Variants in MYO5A observed in about 807,000 individuals in gnomAD.
MYO5A encodes the protein myosin VA, also known as unconventional myosin-Va.
Under a neutral mutation model 249.7 loss-of-function variants are expected in MYO5A, and 98 were observed. The observed-to-expected ratio is 0.39, with a 90% CI of 0.33 to 0.46. The LOEUF is 0.46. Ranked by LOEUF, MYO5A falls within the 20% of genes least tolerant of loss-of-function variation. The probability of loss-of-function intolerance (pLI) is 0.98; values close to 1 mark genes in which losing one functional copy is unlikely to be tolerated. For synonymous variants in MYO5A, 778 were observed against 810.6 expected (o/e 0.96, Z 0.68); for missense variants, 1,696 against 2,308.8 (o/e 0.73, Z 5.44).
At chr15:52,424,174 C>T (rs1490547396) in intron 4 of MYO5A, among the ~76,000 whole-genome samples, 1 of 152,186 alleles carries the variant, frequency 6.6e-6, no homozygotes, top group East Asian at 1.9e-4. Context: ...GGAATTTTCT[C>T]AATTTTAAGC....
At chr15:52,352,654 G>A (rs2040014960) in intron 27 of MYO5A, among the ~76,000 whole-genome samples, 1 of 152,030 alleles carries the variant, frequency 6.6e-6, no homozygotes, top group African/African-American at 2.4e-5. Flanking sequence ...GTGGTGGCGG[G>A]CACCTGTAGT....
In MYO5A at chr15:52,359,969, T is replaced by A. The variant is rs201339297; in HGVS notation, c.3422A>T (p.Glu1141Val). 4.6e-5 allele frequency: 74 copies of A among 1,598,582 alleles called. No individual in the cohort carries two copies. The highest frequency in any genetic ancestry group is 6.1e-5 in the Non-Finnish European group (71 of 1,166,900). Residue 1141 changes from glutamate to valine, a missense_variant and splice_region_variant, in exon 25 of 42, where the codon GAG (glutamate) becomes GTG (valine). Coordinates refer to ENST00000399233, the MANE Select transcript of MYO5A (RefSeq NM_001382347.1). ...AEMEDIPSRT[E>V]EPSEKKVPLD... ...CAGTGACAGATGTCTAAACTGTACC[T>A]CTGTCCTTGATGGAATGTCTTCCAT...
chr15:52,354,981 T>C (rs1309653512), intron 25 of MYO5A, among the ~76,000 whole-genome samples: 1 of 152,142 alleles, frequency 6.6e-6, no homozygotes, highest in Non-Finnish European at 1.5e-5. Context: ...CACAAACATA[T>C]GTGACTTTTA....
intron 1 of MYO5A, among the ~76,000 whole-genome samples, chr15:52,513,159 G>A (rs548506093): frequency 1.2e-4 from 16 of 135,358 alleles, no homozygotes; most frequent in African/African-American, 3.6e-4. Context: ...GGCCGGGTGC[G>A]GTGGCTCACA....
intron 23 of MYO5A, among the ~76,000 whole-genome samples, chr15:52,365,938 C>T (rs1430181300): frequency 6.6e-6 from 1 of 152,184 alleles, no homozygotes; most frequent in African/African-American, 2.4e-5. Flanking sequence ...CTTTCCAGGG[C>T]TCTGTTTTCT....
intron 1 of MYO5A, among the ~76,000 whole-genome samples, chr15:52,435,202 T>C (rs932819339): frequency 6.6e-6 from 1 of 151,374 alleles, no homozygotes; most frequent in African/African-American, 2.4e-5. Flanking sequence ...AGATTCAAGA[T>C]AATTTAAATT....
intron 20 of MYO5A, 24 bp from the exon 21 acceptor site, chr15:52,372,387 C>G: frequency 6.3e-7 from 1 of 1,598,868 alleles, no homozygotes; most frequent in Non-Finnish European, 8.5e-7. Flanking sequence ...TAAGGGCAAG[C>G]AATGTCAAGA....
intron 25 of MYO5A, 122 bp downstream of exon 25, chr15:52,359,846 A>G (rs555329513): frequency 1.3e-6 from 1 of 747,296 alleles, no homozygotes; most frequent in Admixed American, 2.0e-5. Flanking sequence ...CTTATGAAGA[A>G]TAAATGATTC....
intron 11 of MYO5A, among the ~76,000 whole-genome samples, chr15:52,394,863 A>G (rs559163953): frequency 6.6e-6 from 1 of 152,330 alleles, no homozygotes; most frequent in South Asian, 2.1e-4. Flanking sequence ...AGTTTCTGAT[A>G]AGTTTTTATT....
At chr15:52,390,462 G>C (rs950889372) in intron 12 of MYO5A, among the ~76,000 whole-genome samples, 1 of 151,686 alleles carries the variant, frequency 6.6e-6, no homozygotes, top group African/African-American at 2.4e-5. Flanking sequence ...TAGTTACATA[G>C]TGAAGCATTT....
At chr15:52,474,088 C>G (rs1428015905) in intron 1 of MYO5A, among the ~76,000 whole-genome samples, 2 of 152,156 alleles carry the variant, frequency 1.3e-5, no homozygotes, top group Non-Finnish European at 2.9e-5. Flanking sequence ...TGTAGTTCTC[C>G]TTGAAGAGGT....
At chr15:52,461,136 G>A (rs1218564490) in intron 1 of MYO5A, among the ~76,000 whole-genome samples, 1 of 151,848 alleles carries the variant, frequency 6.6e-6, no homozygotes, top group Admixed American at 6.6e-5. Flanking sequence ...TATTTTTTGC[G>A]GAGACTAGGT....
At chr15:52,389,563 C>A (rs1567079465) in intron 12 of MYO5A, among the ~76,000 whole-genome samples, 200 bp from the exon 13 acceptor site, 2 of 152,112 alleles carry the variant, frequency 1.3e-5, no homozygotes, top group Admixed American at 1.3e-4. Flanking sequence ...TGACTGAGAC[C>A]TTCTCATGGG....
intron 22 of MYO5A, among the ~76,000 whole-genome samples, chr15:52,367,854 GTC>G (rs1322667228): frequency 1.4e-5 from 2 of 141,808 alleles, no homozygotes; most frequent in African/African-American, 2.7e-5. Flanking sequence ...TAAATTTTAT[GTC>G]ATGTATATTT....
intron 1 of MYO5A, among the ~76,000 whole-genome samples, chr15:52,509,703 C>G (rs1665906620): frequency 6.6e-6 from 1 of 152,212 alleles, no homozygotes; most frequent in African/African-American, 2.4e-5. Context: ...AGATCAGGCA[C>G]TGCTCTCTTG....
At chr15:52,494,654 G>A (rs986423353) in intron 1 of MYO5A, among the ~76,000 whole-genome samples, 3 of 151,984 alleles carry the variant, frequency 2.0e-5, no homozygotes, top group Non-Finnish European at 4.4e-5. Flanking sequence ...CACCACGTCC[G>A]GATAATTTTT....
Position 52,433,690 on chromosome 15 carries a change from G to A in MYO5A, c.28-405C>T, listed in dbSNP as rs549914124. ...ACCCGCCTCAGCCTCCCAAAGTGCT[G>A]GGATTACAGGTGTGAGCCACCACGT... On this transcript the variant is annotated intron_variant, in intron 1 of 41. Transcript: ENST00000399233. 4.6e-5 allele frequency among the ~76,000 whole-genome samples: 7 copies of A among 152,024 alleles called. No individual in the cohort carries two copies. The South Asian group carries it at 1.2e-3, about 27-fold the overall frequency.
At chr15:52,503,718 T>C (rs964540996) in intron 1 of MYO5A, among the ~76,000 whole-genome samples, 1 of 152,140 alleles carries the variant, frequency 6.6e-6, no homozygotes, top group Admixed American at 6.5e-5. Context: ...ATTAAGTAAG[T>C]GGAAACTTAT....
At chr15:52,370,481 A>T in intron 21 of MYO5A, 64 bp from the exon 22 acceptor site, 1 of 1,506,066 alleles carries the variant, frequency 6.6e-7, no homozygotes, top group Non-Finnish European at 9.2e-7. Flanking sequence ...TTTAGTAAGA[A>T]AACCATGTTT....
Sources: gnomAD v4.1 joint callset for allele counts (sites outside exome capture counted in the v4.1 genomes callset) on GRCh38, gnomAD v4.1.1 for gene constraint, MANE v1.5 for transcripts, NCBI Gene and HGNC (gene_info 2026-07-23, HGNC 2026-07-21) for gene names.